SARNP: variants seen among roughly 807,000 people sequenced by gnomAD.
SARNP encodes SAP domain-containing ribonucleoprotein.
In SARNP, 5 loss-of-function variants were observed where a neutral mutation model predicts 38.1. That is an observed-to-expected ratio of 0.13 (90% CI 0.07 to 0.28). The LOEUF is 0.28. Among genes scored for constraint, SARNP ranks in the 10% least tolerant of loss-of-function variants. SARNP has a pLI of 1.00. For synonymous variants in SARNP, 84 were observed against 80.6 expected (o/e 1.04, Z -0.23); for missense variants, 180 against 243.9 (o/e 0.74, Z 1.75).
rs58583137 is a variant in SARNP, at chr12:55,766,616, CGGGGG to C, written c.502-5981_502-5977del. 4.2e-4 allele frequency among the ~76,000 whole-genome samples: 16 copies of C among 38,106 alleles called. 1 individual carries two copies. Among genetic ancestry groups the C allele is most frequent in the African/African-American group, 1.7e-3 (15 of 9,054 alleles). The allele number at this position is 38,106 out of a possible 152,430, so 25.0% of individuals were successfully genotyped here. A position where few individuals can be genotyped will look rare whatever the true frequency, so the allele number is the denominator to read the frequency against. ...CTATATATTTTGTGGGTTTTTTTGG[CGGGGG>C]GGGGGGGGGGGTTGTTTTTTTGAGA... On this transcript the variant is annotated intron_variant, in intron 9 of 10. Transcript: ENST00000336133.
intron 2 of SARNP, 28 bp downstream of exon 2, chr12:55,803,601 C>T (rs1880049955): frequency 1.4e-6 from 2 of 1,406,326 alleles, no homozygotes; most frequent in African/African-American, 1.4e-5. Flanking sequence ...CCCTCACTCA[C>T]ATCACTCCGC....
chr12:55,759,046 T>G (rs1190491823), intron 10 of SARNP, among the ~76,000 whole-genome samples: 4 of 151,884 alleles, frequency 2.6e-5, no homozygotes, highest in Non-Finnish European at 5.9e-5. Flanking sequence ...ACTCAGCTAA[T>G]TTATTTTAAA....
chr12:55,768,070 T>A (rs1592557815), intron 9 of SARNP, among the ~76,000 whole-genome samples: 1 of 151,986 alleles, frequency 6.6e-6, no homozygotes, highest in African/African-American at 2.4e-5. Flanking sequence ...ACAAAATCAG[T>A]CTTCTCCACA....
intron 9 of SARNP, among the ~76,000 whole-genome samples, chr12:55,786,470 G>A (rs1308914394): frequency 6.8e-6 from 1 of 147,892 alleles, no homozygotes; most frequent in Non-Finnish European, 1.5e-5. Context: ...GTTTGTTTGA[G>A]ATGGAGTCTC....
At chr12:55,794,095 G>C in intron 7 of SARNP, 1 of 454,840 alleles carries the variant, frequency 2.2e-6, no homozygotes, top group Non-Finnish European at 3.9e-6. Flanking sequence ...AGTAAGCAAA[G>C]TACTAGAGAA....
At chr12:55,769,368 C>A (rs1878939268) in intron 9 of SARNP, among the ~76,000 whole-genome samples, 1 of 152,204 alleles carries the variant, frequency 6.6e-6, no homozygotes, top group African/African-American at 2.4e-5. Flanking sequence ...AGAACCTTAA[C>A]TTCACGAGGC....
At chr12:55,812,564 G>C (rs1411953064) in intron 1 of SARNP, among the ~76,000 whole-genome samples, 4 of 152,142 alleles carry the variant, frequency 2.6e-5, no homozygotes, top group South Asian at 2.1e-4. Context: ...CTGACTACCT[G>C]ACATGTCCAA....
At chr12:55,753,931 C>G (rs1878421602), downstream of SARNP, 1 of 152,136 alleles carries the variant, frequency 6.6e-6, no homozygotes, top group Non-Finnish European at 1.5e-5. Flanking sequence ...GTACTCCAAG[C>G]TGAGCAACAC....
chr12:55,759,794 G>C (rs1443569940), intron 10 of SARNP, among the ~76,000 whole-genome samples: 1 of 151,862 alleles, frequency 6.6e-6, no homozygotes, highest in South Asian at 2.1e-4. Flanking sequence ...CTGGAGTACA[G>C]TGGCGCCATC....
intron 2 of SARNP, among the ~76,000 whole-genome samples, chr12:55,801,209 C>T (rs1206704288): frequency 6.6e-6 from 1 of 152,168 alleles, no homozygotes; most frequent in African/African-American, 2.4e-5. Context: ...GAGGCAGAGG[C>T]AGGTGGATCG....
At chr12:55,770,952 T>C (rs2136183188) in intron 9 of SARNP, among the ~76,000 whole-genome samples, 1 of 151,884 alleles carries the variant, frequency 6.6e-6, no homozygotes, top group South Asian at 2.1e-4. Flanking sequence ...TTTTTTTTTT[T>C]TTAACAGAGT....
At chr12:55,808,715 C>T (rs1880231216) in intron 1 of SARNP, among the ~76,000 whole-genome samples, 1 of 151,990 alleles carries the variant, frequency 6.6e-6, no homozygotes, top group African/African-American at 2.4e-5. Flanking sequence ...GAACTGTGAT[C>T]ACACCACTGT....
At chr12:55,766,419 C>T (rs1180261707) in intron 9 of SARNP, among the ~76,000 whole-genome samples, 1 of 152,106 alleles carries the variant, frequency 6.6e-6, no homozygotes. Flanking sequence ...CCTCTTCCAT[C>T]TCAAGATTTA....
At chr12:55,791,535 A>C (rs1879668629) in intron 7 of SARNP, among the ~76,000 whole-genome samples, 1 of 152,114 alleles carries the variant, frequency 6.6e-6, no homozygotes, top group South Asian at 2.1e-4. Context: ...TCTCTACTAC[A>C]AATACAAAAA....
intron 9 of SARNP, among the ~76,000 whole-genome samples, chr12:55,763,509 C>T (rs1000607513): frequency 6.6e-6 from 1 of 152,060 alleles, no homozygotes; most frequent in African/African-American, 2.4e-5. Flanking sequence ...GGTTTCGCCA[C>T]GTTAGCCAAA....
In SARNP at chr12:55,790,583, G is replaced by C. The variant is rs1879636821; in HGVS notation, c.416C>G (p.Ser139Cys). The C allele has an allele frequency of 6.5e-7, 1 of 1,547,964 alleles. No individual in the cohort carries two copies. Among genetic ancestry groups the C allele is most frequent in the Non-Finnish European group, 8.7e-7 (1 of 1,146,926 alleles). Residue 139 changes from serine to cysteine, a missense_variant, in exon 8 of 11, where the codon TCT (serine) becomes TGT (cysteine). Transcript: ENST00000336133. Reference protein sequence around the residue: ...ISSVPTKGLSSDNKPMVNLDK... With the variant: ...ISSVPTKGLSCDNKPMVNLDK... ...ATTTCTTACCATAGGTTTGTTATCA[G>C]ATGACAGACCTAAGGAAGTAAATAA...
chr12:55,760,491 T>G (rs1244137989), intron 10 of SARNP, 60 bp downstream of exon 10: 5 of 903,808 alleles, frequency 5.5e-6, no homozygotes, highest in Non-Finnish European at 9.2e-6. Context: ...ATTTCTCCAT[T>G]CAGTTTATTC....
downstream of SARNP, chr12:55,757,116 G>C (rs1878529988): frequency 6.4e-6 from 1 of 156,138 alleles, no homozygotes; most frequent in Non-Finnish European, 1.4e-5. Flanking sequence ...GGAATAAACA[G>C]GCTTAAAGGG....
intron 4 of SARNP, among the ~76,000 whole-genome samples, chr12:55,799,521 C>T (rs1214474026): frequency 5.9e-5 from 9 of 151,864 alleles, no homozygotes; most frequent in East Asian, 3.9e-4. Context: ...ACCCAACACC[C>T]TCCTCCCTTA....
Sources: gnomAD v4.1 joint callset for allele counts (sites outside exome capture counted in the v4.1 genomes callset) on GRCh38, gnomAD v4.1.1 for gene constraint, MANE v1.5 for transcripts, NCBI Gene and HGNC (gene_info 2026-07-23, HGNC 2026-07-21) for gene names.